Variants in DCUN1D2 observed in about 807,000 individuals in gnomAD.
The protein encoded by DCUN1D2 is DCN1-like protein 2.
DCUN1D2 carries 29 observed loss-of-function variants against 30.9 expected under a neutral mutation model. The observed-to-expected ratio is 0.94, with a 90% CI of 0.70 to 1.28. The LOEUF is 1.28. DCUN1D2 is among the 50% of genes most tolerant of loss of function. The pLI, the probability that DCUN1D2 is intolerant of heterozygous loss-of-function variation, is 0.00. For missense variants in DCUN1D2, 325 were observed against 316.9 expected (o/e 1.03, Z -0.19); for synonymous variants, 121 against 115.3 (o/e 1.05, Z -0.32).
At position 113,480,797 on chromosome 13, in the gene DCUN1D2, A is replaced by C. The variant is rs2044695081; in HGVS notation, c.221-54T>G. ...TTATACTATTTTGAAAAGTAATTCT[A>C]AAATAGGAGGTTTGAATCCTAGCAT... On this transcript the variant is annotated intron_variant, in intron 2 of 6. Coordinates refer to ENST00000478244, the MANE Select transcript of DCUN1D2 (RefSeq NM_001014283.2). 6.3e-6 allele frequency: 10 copies of C among 1,590,974 alleles called. No individual in the cohort carries two copies. The South Asian group carries it at 1.1e-4, about 18-fold the overall frequency.
chr13:113,456,170 A>G lies in DCUN1D2; in HGVS notation c.*1859T>C, dbSNP rs2044223159. The stretch of plus-strand genomic sequence containing the variant: ...TGCTCTCTGAGAATCGAAGACTTCT[A>G]AAGGTAGACAGGCCCAGTTTCCCAT... On this transcript the variant is annotated 3_prime_UTR_variant, in exon 7 of 7. Transcript: ENST00000478244. 2.5e-6 allele frequency: 1 copy of G among 398,638 alleles called. No individual in the cohort carries two copies. 24.7% of individuals were successfully genotyped at this position (398,638 alleles called of 1,614,324 possible).
intron 3 of DCUN1D2, among the ~76,000 whole-genome samples, chr13:113,478,663 G>T (rs1420416031): frequency 6.6e-6 from 1 of 151,956 alleles, no homozygotes; most frequent in East Asian, 1.9e-4. Flanking sequence ...CATTATTCAA[G>T]ATATTTTCTA....
intron 1 of DCUN1D2, among the ~76,000 whole-genome samples, chr13:113,489,712 TTC>T (rs1330572746): frequency 6.6e-6 from 1 of 152,028 alleles, no homozygotes; most frequent in Non-Finnish European, 1.5e-5. Flanking sequence ...GGTCTGTGCA[TTC>T]TGTTTCTTCT....
intron 4 of DCUN1D2, among the ~76,000 whole-genome samples, chr13:113,473,024 CGT>C (rs1040661855): frequency 7.1e-6 from 1 of 139,946 alleles, no homozygotes; most frequent in African/African-American, 2.7e-5. Context: ...CTCTCTATCC[CGT>C]GTCTCTGCCC....
At chr13:113,458,194 C>T in intron 6 of DCUN1D2, 86 bp from the exon 7 acceptor site, 2 of 1,148,046 alleles carry the variant, frequency 1.7e-6, no homozygotes, top group Non-Finnish European at 1.3e-6. Context: ...CCAACATTTA[C>T]ACTTCAAGAA....
In DCUN1D2 at chr13:113,480,648, C is replaced by CT. The variant is rs1356349440; in HGVS notation, c.315dup (p.Ala106SerfsTer11). The CT allele has an allele frequency of 2.5e-6, 4 of 1,614,030 alleles. No homozygotes were observed. The African/African-American group carries it at 4.0e-5, about 16-fold the overall frequency. The stretch of plus-strand genomic sequence containing the variant: ...TGAGTTGCTGCCCTGAACTTCCACG[C>CT]TATGACCAATACACTGATACTGGCA... On this transcript the variant is annotated frameshift_variant, in exon 3 of 7. Transcript: ENST00000478244. LOFTEE classifies it high-confidence loss of function.
chr13:113,464,507 T>A (rs962577871), intron 4 of DCUN1D2, among the ~76,000 whole-genome samples: 1 of 152,216 alleles, frequency 6.6e-6, no homozygotes, highest in Non-Finnish European at 1.5e-5. Flanking sequence ...GGCAATTAAT[T>A]TAGACTCTAA....
chr13:113,461,277 C>T lies in DCUN1D2; in HGVS notation c.521-141G>A, dbSNP rs546481829. The T allele has an allele frequency of 6.2e-5, 37 of 593,594 alleles. No homozygotes were observed. The East Asian group carries it at 8.5e-4, about 14-fold the overall frequency. The allele number at this position is 593,594 out of a possible 1,614,324, so 36.8% of individuals were successfully genotyped here. A position where few individuals can be genotyped will look rare whatever the true frequency, so the allele number is the denominator to read the frequency against. On this transcript the variant is annotated intron_variant, in intron 4 of 6. Transcript: ENST00000478244. Reference sequence around the variant, plus strand: ...CAAGAGTCATGAGGCTTAATCTCTACGGAAGTGCTCCTGAGAACTGTACGT... The same window carrying T: ...CAAGAGTCATGAGGCTTAATCTCTATGGAAGTGCTCCTGAGAACTGTACGT...
intron 4 of DCUN1D2, among the ~76,000 whole-genome samples, chr13:113,464,036 C>T (rs1056721014): frequency 6.6e-6 from 1 of 152,174 alleles, no homozygotes; most frequent in East Asian, 1.9e-4. Context: ...ACTCTTCTTG[C>T]TTTATTTCTG....
rs1398549543 is a variant in DCUN1D2 at position 113,490,118 on chromosome 13, C to T, written c.3+549G>A. Among the ~76,000 whole-genome samples, 2 of 152,220 alleles carry T rather than the reference C, an allele frequency of 1.3e-5. No homozygotes were observed. The highest frequency in any genetic ancestry group is 4.8e-5 in the African/African-American group (2 of 41,468). ...CCTGCGCTGCGGAACTCTACCAGCT[C>T]CACAGATGCACACCTACAGCCACGC... On this transcript the variant is annotated intron_variant, in intron 1 of 6. Coordinates refer to ENST00000478244, the MANE Select transcript of DCUN1D2 (RefSeq NM_001014283.2). The surrounding 1 kb of genome is among the most constrained non-coding windows in gnomAD (Gnocchi z 5.2).
In DCUN1D2 at chr13:113,458,111, A is replaced by G. The variant is rs1186996127; in HGVS notation, c.701-3T>C. 6.2e-7 allele frequency: 1 copy of G among 1,613,830 alleles called. No homozygotes were observed. The highest frequency in any genetic ancestry group is 1.7e-5 in the Admixed American group (1 of 60,006). ...ATCTATAAGAACGGGCCAAGCTCCTAAAGGAAAGCAAGCAAACAGAAAACC... is the reference window on the plus strand; with the variant it reads ...ATCTATAAGAACGGGCCAAGCTCCTGAAGGAAAGCAAGCAAACAGAAAACC... On this transcript the variant is annotated splice_region_variant and splice_polypyrimidine_tract_variant and intron_variant, in intron 6 of 6. Coordinates refer to ENST00000478244, the MANE Select transcript of DCUN1D2 (RefSeq NM_001014283.2).
intron 2 of DCUN1D2, among the ~76,000 whole-genome samples, chr13:113,481,446 T>G (rs1320434698): frequency 6.6e-6 from 1 of 152,214 alleles, no homozygotes; most frequent in South Asian, 2.1e-4. Context: ...CGTAGGTAAA[T>G]TGTTGGTTTA....
At chr13:113,484,111 A>G (rs749650663) in intron 1 of DCUN1D2, 55 bp from the exon 2 acceptor site, 94 of 1,604,580 alleles carry the variant, frequency 5.9e-5, no homozygotes, top group Non-Finnish European at 7.9e-5. Flanking sequence ...GGTTTGTCCC[A>G]GCTTTAGCCT....
At chr13:113,462,302 C>T (rs1163055278) in intron 4 of DCUN1D2, among the ~76,000 whole-genome samples, 4 of 150,834 alleles carry the variant, frequency 2.7e-5, no homozygotes, top group Non-Finnish European at 5.9e-5. Context: ...AAAATAAATA[C>T]ATAAAGTGAC....
At chr13:113,481,867 A>G (rs2044717332) in intron 2 of DCUN1D2, among the ~76,000 whole-genome samples, 1 of 145,632 alleles carries the variant, frequency 6.9e-6, no homozygotes, top group Non-Finnish European at 1.5e-5. Context: ...CTGGGTGACA[A>G]AAAAAAAAAA....
intron 3 of DCUN1D2, 90 bp from the exon 4 acceptor site, chr13:113,474,344 C>A: frequency 6.6e-7 from 1 of 1,517,680 alleles, no homozygotes; most frequent in Non-Finnish European, 8.9e-7. Flanking sequence ...TGACCAGGCA[C>A]GCAGCTCCAG....
intron 4 of DCUN1D2, among the ~76,000 whole-genome samples, chr13:113,470,013 CTT>C (rs2044474372): frequency 6.6e-6 from 1 of 152,200 alleles, no homozygotes; most frequent in Non-Finnish European, 1.5e-5. Flanking sequence ...CTGGAAATGA[CTT>C]TACTAGAAGG....
intron 1 of DCUN1D2, among the ~76,000 whole-genome samples, chr13:113,484,426 A>G (rs1594125975): frequency 6.6e-6 from 1 of 152,202 alleles, no homozygotes; most frequent in Non-Finnish European, 1.5e-5. Context: ...TCACAGCTGC[A>G]GTCTTCTTTG....
rs2044222408 is a variant in DCUN1D2 at position 113,456,132 on chromosome 13, T to G, written c.*1897A>C. 2.5e-6 allele frequency: 1 copy of G among 398,528 alleles called. No individual in the cohort carries two copies. The highest frequency in any genetic ancestry group is 4.4e-6 in the Non-Finnish European group (1 of 226,056). The allele number at this position is 398,528 out of a possible 1,614,324, so 24.7% of individuals were successfully genotyped here. A position where few individuals can be genotyped will look rare whatever the true frequency, so the allele number is the denominator to read the frequency against. On this transcript the variant is annotated 3_prime_UTR_variant, in exon 7 of 7. Transcript: ENST00000478244. ...GGTTTGTATTAATGCCAGTTTTTAT[T>G]GTATTAGACAAATGCTCTCTGAGAA...
Sources: allele counts gnomAD v4.1 joint callset (sites outside exome capture counted in the v4.1 genomes callset), GRCh38; gene constraint gnomAD v4.1.1; non-coding constraint Gnocchi (gnomAD v3.1); transcripts MANE v1.5; gene names NCBI Gene and HGNC (gene_info 2026-07-23, HGNC 2026-07-21).